The following SH3BP1 variants were observed in gnomAD, a reference collection of about 807,000 sequenced individuals.
The protein encoded by SH3BP1 is SH3 domain binding protein 1.
SH3BP1 carries 46 observed loss-of-function variants against 69.8 expected under a neutral mutation model. That is an observed-to-expected ratio of 0.66 (90% CI 0.52 to 0.84). SH3BP1 has a LOEUF of 0.84. Among genes scored for constraint, SH3BP1 ranks in the 40% least tolerant of loss-of-function variants. The pLI is 0.00. For missense variants in SH3BP1, 868 were observed against 930.9 expected (o/e 0.93, Z 0.88); for synonymous variants, 403 against 378.0 (o/e 1.07, Z -0.77).
At position 37,639,856 on chromosome 22, in the gene SH3BP1, A is replaced by G; in HGVS notation, c.59+10A>G. On this transcript the variant is annotated intron_variant, in intron 1 of 17. Transcript: ENST00000649765. ...CGGGCAGCTTGGGACGGTGAGTGTC[A>G]CCCGCTTCCAGCCCCACTCTTACCC... The G allele has an allele frequency of 6.6e-7, 1 of 1,515,262 alleles. No individual in the cohort carries two copies. The highest frequency in any genetic ancestry group is 8.9e-7 in the Non-Finnish European group (1 of 1,127,014). 93.9% of individuals were successfully genotyped at this position (1,515,262 alleles called of 1,614,324 possible).
At chr22:37,648,189 G>A (rs1932816340) in intron 13 of SH3BP1, 130 bp from the exon 14 acceptor site, 1 of 676,774 alleles carries the variant, frequency 1.5e-6, no homozygotes, top group South Asian at 1.7e-5. Flanking sequence ...CAGTGGATAA[G>A]CTGATTTAAC....
intron 8 of SH3BP1, 25 bp downstream of exon 8, chr22:37,644,730 C>T: frequency 6.2e-7 from 1 of 1,613,604 alleles, no homozygotes; most frequent in Non-Finnish European, 8.5e-7. Context: ...GGGCCCCAGC[C>T]ATCCAGAGTT....
At chr22:37,642,216 C>T (rs965295141) in intron 3 of SH3BP1, 1 of 368,684 alleles carries the variant, frequency 2.7e-6, no homozygotes. Context: ...CGCTCCCATT[C>T]TCCCTCCACC....
chr22:37,648,177 C>T (rs1026670494), intron 13 of SH3BP1, 142 bp from the exon 14 acceptor site: 3 of 648,854 alleles, frequency 4.6e-6, no homozygotes, highest in African/African-American at 3.6e-5. Flanking sequence ...AGGGTTGGCA[C>T]TCAGTGGATA....
intron 6 of SH3BP1, 167 bp from the exon 7 acceptor site, chr22:37,643,477 A>G (rs1932689260): frequency 3.2e-6 from 3 of 943,226 alleles, no homozygotes; most frequent in Non-Finnish European, 4.7e-6. Context: ...ACCAGGGGGC[A>G]ACCCAGAGCA....
Position 37,639,844 on chromosome 22 carries a change from A to G in SH3BP1, c.57A>G (p.Gly19=), listed in dbSNP as rs13055139. The G allele has an allele frequency of 0.11, 177,716 of 1,565,198 alleles. 12,707 individuals carry two copies. Among genetic ancestry groups the G allele is most frequent in the African/African-American group, 0.33 (23,364 of 71,806 alleles). The change falls in exon 1 of 18, where the codon GGA becomes GGG. Residue 19 remains glycine, a splice_region_variant and synonymous_variant. Transcript: ENST00000649765. ...AGCTGGCCCAGACGGGCAGCTTGGGACGGTGAGTGTCACCCGCTTCCAGCC... is the reference window on the plus strand; with the variant it reads ...AGCTGGCCCAGACGGGCAGCTTGGGGCGGTGAGTGTCACCCGCTTCCAGCC... ...MRQLAQTGSL[G]RTPETAEFLG...
chr22:37,639,696 A>T lies in SH3BP1; in HGVS notation c.-92A>T. ...GAGCGCCGCCCACCCATCCGGGGCA[A>T]GAGCCGCGCCGCAGGAGAGGCAGGC... On this transcript the variant is annotated 5_prime_UTR_variant, in exon 1 of 18. In the 5' UTR this introduces an upstream ATG that the reference lacks. Coordinates refer to ENST00000649765, the MANE Select transcript of SH3BP1 (RefSeq NM_018957.6). 1.3e-6 allele frequency: 1 copy of T among 782,334 alleles called. No individual in the cohort carries two copies. Among genetic ancestry groups the T allele is most frequent in the Non-Finnish European group, 1.9e-6 (1 of 531,272 alleles). The allele number at this position is 782,334 out of a possible 1,614,324, so 48.5% of individuals were successfully genotyped here.
chr22:37,641,927 G>C (rs1034157366), intron 3 of SH3BP1: 1 of 180,936 alleles, frequency 5.5e-6, no homozygotes, highest in Non-Finnish European at 1.2e-5. Flanking sequence ...CCTAGGGGCA[G>C]GCATTGCTTT....
intron 16 of SH3BP1, among the ~76,000 whole-genome samples, chr22:37,651,230 C>T (rs775204036): frequency 4.6e-5 from 7 of 151,952 alleles, no homozygotes; most frequent in South Asian, 2.1e-4. Context: ...GATGGGGTTT[C>T]GCCATGTTGG....
In SH3BP1 at chr22:37,655,768, G is replaced by T; in HGVS notation, c.*84G>T. 3 of 1,444,720 alleles carry T rather than the reference G, an allele frequency of 2.1e-6. No individual in the cohort carries two copies. The highest frequency in any genetic ancestry group is 2.7e-6 in the Non-Finnish European group (3 of 1,103,500). The allele number at this position is 1,444,720 out of a possible 1,614,324, so 89.5% of individuals were successfully genotyped here. ...CAGGACAGCTCTCGCCCCCCACAAA[G>T]GGGCATGGGCCTCCAGCCTTTGCCC... On this transcript the variant is annotated 3_prime_UTR_variant, in exon 18 of 18. Coordinates refer to ENST00000649765, the MANE Select transcript of SH3BP1 (RefSeq NM_018957.6).
chr22:37,648,467 G>A (rs1332822944), intron 14 of SH3BP1, 32 bp downstream of exon 14: 1 of 1,381,826 alleles, frequency 7.2e-7, no homozygotes, highest in African/African-American at 1.4e-5. Flanking sequence ...GAGGTGGCAG[G>A]AGGAAGGCAG....
At chr22:37,648,855 C>T in intron 14 of SH3BP1, 1 of 177,120 alleles carries the variant, frequency 5.6e-6, no homozygotes. Context: ...AGGTGCGCAC[C>T]ACCACTCCCG....
chr22:37,644,980 G>A lies in SH3BP1; in HGVS notation c.778+20G>A, dbSNP rs371552279. The A allele has an allele frequency of 1.1e-5, 17 of 1,605,936 alleles. No individual in the cohort carries two copies. The South Asian group carries it at 1.3e-4, about 12-fold the overall frequency. ...AAGCAGGTGGGGACATAGGCCCGGC[G>A]ATACCACACCCCTGACCCTGCCCTG... On this transcript the variant is annotated intron_variant, in intron 9 of 17. Coordinates refer to ENST00000649765, the MANE Select transcript of SH3BP1 (RefSeq NM_018957.6).
rs1319754213 is a variant in SH3BP1, at chr22:37,643,671, C to T, written c.501C>T (p.Gly167=). The T allele has an allele frequency of 1.9e-6, 3 of 1,614,150 alleles. No homozygotes were observed. The highest frequency in any genetic ancestry group is 1.7e-5 in the Admixed American group (1 of 60,012). Reference sequence around the variant, plus strand: ...TCAGTCAGGCAACCAAGAATTCAGGCAGCAGTCAAGGCCTAGGAGGCAGCC... The same window carrying T: ...TCAGTCAGGCAACCAAGAATTCAGGTAGCAGTCAAGGCCTAGGAGGCAGCC... ...SRLSQATKNS[G]SSQGLGGSPG... Residue 167 remains glycine, a synonymous_variant, in exon 7 of 18, where the codon GGC becomes GGT. Transcript: ENST00000649765.
At chr22:37,653,897 G>A in intron 17 of SH3BP1, 24 bp downstream of exon 17, 3 of 1,248,542 alleles carry the variant, frequency 2.4e-6, no homozygotes, top group Middle Eastern at 4.4e-4. Context: ...GGGAGGGGAG[G>A]AGGGGACAGA....
intron 6 of SH3BP1, 198 bp from the exon 7 acceptor site, chr22:37,643,446 G>A: frequency 1.4e-6 from 1 of 722,808 alleles, no homozygotes. Context: ...CTGTGGAGTG[G>A]CTGTGATCAC....
intron 2 of SH3BP1, 73 bp from the exon 3 acceptor site, chr22:37,641,301 G>C: frequency 6.6e-7 from 1 of 1,525,998 alleles, no homozygotes; most frequent in Non-Finnish European, 8.9e-7. Context: ...GGGTCCCCAG[G>C]GGACAGGAGA....
intron 13 of SH3BP1, 58 bp downstream of exon 13, chr22:37,647,579 G>A (rs188306760): frequency 2.6e-5 from 34 of 1,324,244 alleles, no homozygotes; most frequent in Admixed American, 2.1e-4. Flanking sequence ...CTGAGGTCAC[G>A]GACCCTGGGA....
intron 10 of SH3BP1, among the ~76,000 whole-genome samples, chr22:37,646,272 T>C (rs1204194192): frequency 7.1e-6 from 1 of 141,732 alleles, no homozygotes; most frequent in Non-Finnish European, 1.5e-5. Context: ...CCTTTTTTTT[T>C]TTTTGAGACA....
Sources: gnomAD v4.1 joint callset for allele counts (sites outside exome capture counted in the v4.1 genomes callset) on GRCh38, gnomAD v4.1.1 for gene constraint, MANE v1.5 for transcripts, NCBI Gene and HGNC (gene_info 2026-07-23, HGNC 2026-07-21) for gene names.